PRIM2: variants seen among roughly 807,000 people sequenced by gnomAD.
The protein encoded by PRIM2 is DNA primase subunit 2, also known as DNA primase large subunit.
A neutral mutation model predicts 67.3 loss-of-function variants in PRIM2; 39 were observed. The ratio of observed to expected loss-of-function variants is 0.58; its 90% CI spans 0.45 to 0.76. PRIM2 has a LOEUF of 0.76. Ranked by LOEUF, PRIM2 falls within the 30% of genes least tolerant of loss-of-function variation. The pLI, the probability that PRIM2 is intolerant of heterozygous loss-of-function variation, is 0.00. For missense variants in PRIM2, 398 were observed against 598.7 expected (o/e 0.66, Z 3.50); for synonymous variants, 143 against 198.7 (o/e 0.72, Z 2.36).
At chr6:57,411,329 G>A (rs1398069779) in intron 7 of PRIM2, among the ~76,000 whole-genome samples, 12 of 152,252 alleles carry the variant, frequency 7.9e-5, no homozygotes, top group Non-Finnish European at 1.2e-4. Context: ...AGTAGCTTAC[G>A]CCTATAATCC....
the PRIM2 span, among the ~76,000 whole-genome samples, chr6:57,301,826 A>G: frequency 6.6e-6 from 1 of 152,192 alleles, no homozygotes; most frequent in Non-Finnish European, 1.5e-5. Flanking sequence ...TGTCTCAATA[A>G]CAACAACAGA....
At chr6:57,251,603 A>T in the PRIM2 span, among the ~76,000 whole-genome samples, 2 of 152,206 alleles carry the variant, frequency 1.3e-5, no homozygotes, top group Admixed American at 6.5e-5. Context: ...TAAGTTATGT[A>T]CATCAAACAT....
intron 5 of PRIM2, among the ~76,000 whole-genome samples, chr6:57,339,654 T>C (rs1416393318): frequency 6.6e-6 from 1 of 152,212 alleles, no homozygotes; most frequent in Non-Finnish European, 1.5e-5. Flanking sequence ...GCTAGCCATA[T>C]GCAGAAAGCT....
the PRIM2 span, among the ~76,000 whole-genome samples, chr6:57,264,744 G>A: frequency 4.0e-5 from 6 of 151,828 alleles, no homozygotes; most frequent in African/African-American, 1.2e-4. Context: ...CTACAGGTGC[G>A]CCCCACCAAG....
At chr6:57,321,624 C>T (rs1767660943) in intron 3 of PRIM2, among the ~76,000 whole-genome samples, 1 of 151,956 alleles carries the variant, frequency 6.6e-6, no homozygotes, top group Admixed American at 6.6e-5. Context: ...TCATAGAAGC[C>T]AAGGAGGGCT....
At chr6:57,470,157 G>A (rs1224287760) in intron 7 of PRIM2, among the ~76,000 whole-genome samples, 15 of 152,062 alleles carry the variant, frequency 9.9e-5, no homozygotes, top group African/African-American at 3.6e-4. Flanking sequence ...GTATTTGAGC[G>A]TTGTGGCATT....
At chr6:57,422,576 T>C (rs1562744793) in intron 7 of PRIM2, among the ~76,000 whole-genome samples, 3 of 152,150 alleles carry the variant, frequency 2.0e-5, no homozygotes, top group Admixed American at 2.0e-4. Flanking sequence ...TAAAGATACA[T>C]CAATGAAATT....
chr6:57,491,230 A>G (rs1180775787), intron 7 of PRIM2, among the ~76,000 whole-genome samples: 4 of 152,252 alleles, frequency 2.6e-5, no homozygotes, highest in African/African-American at 4.8e-5. Context: ...AACATGAGTC[A>G]GACCAGATTA....
At chr6:57,502,349 C>T (rs1227587391) in intron 7 of PRIM2, among the ~76,000 whole-genome samples, 3 of 152,160 alleles carry the variant, frequency 2.0e-5, no homozygotes, top group African/African-American at 7.2e-5. Flanking sequence ...AGTTTCCACA[C>T]AACAGTTTAC....
rs1161345241 is a variant in PRIM2, at chr6:57,483,457, T to C, written c.694-23930T>C. Among the ~76,000 whole-genome samples, 440 of 152,240 alleles carry C rather than the reference T, an allele frequency of 2.9e-3. 3 individuals carry two copies. Among genetic ancestry groups the C allele is most frequent in the African/African-American group, 0.01 (423 of 41,540 alleles). On this transcript the variant is annotated intron_variant, in intron 7 of 13. Transcript: ENST00000615550. ...AGAAGGAACTTATCTTTAATAATAT[T>C]ATGGTGAACATGAAAACATACTAGT... is the stretch of plus-strand genomic sequence containing the variant.
chr6:57,425,824 A>C (rs1157180212), intron 7 of PRIM2, among the ~76,000 whole-genome samples: 2 of 152,086 alleles, frequency 1.3e-5, no homozygotes, highest in Non-Finnish European at 2.9e-5. Context: ...CCTTTTTATT[A>C]ATTCATTTTT....
intron 10 of PRIM2, among the ~76,000 whole-genome samples, chr6:57,572,880 G>A (rs1192492345): frequency 3.9e-5 from 6 of 152,150 alleles, no homozygotes; most frequent in Non-Finnish European, 7.3e-5. Flanking sequence ...TTGGGAAAGG[G>A]CTCTCATCTG....
intron 7 of PRIM2, among the ~76,000 whole-genome samples, chr6:57,481,568 C>T (rs1451576702): frequency 1.3e-5 from 2 of 151,122 alleles, no homozygotes; most frequent in Admixed American, 6.6e-5. Flanking sequence ...GGTTTTTGTG[C>T]GAACATAGGT....
intron 8 of PRIM2, among the ~76,000 whole-genome samples, chr6:57,530,010 C>G (rs1267423750): frequency 6.6e-6 from 1 of 151,854 alleles, no homozygotes; most frequent in Admixed American, 6.6e-5. Flanking sequence ...GTCTCTCTTC[C>G]TCATTTTGTA....
chr6:57,605,734 A>G (rs1776549670), intron 11 of PRIM2, among the ~76,000 whole-genome samples: 1 of 152,106 alleles, frequency 6.6e-6, no homozygotes, highest in Non-Finnish European at 1.5e-5. Context: ...CTGTATTCTT[A>G]TTTATGTGAA....
intron 12 of PRIM2, among the ~76,000 whole-genome samples, chr6:57,622,302 G>T (rs1256335505): frequency 6.6e-6 from 1 of 152,180 alleles, no homozygotes; most frequent in African/African-American, 2.4e-5. Context: ...TGTTTTAATT[G>T]TGGTTATAGA....
chr6:57,282,406 A>C, the PRIM2 span, among the ~76,000 whole-genome samples: 1 of 152,106 alleles, frequency 6.6e-6, no homozygotes, highest in Non-Finnish European at 1.5e-5. Context: ...GGGTATCTCC[A>C]ACTGCTTCCT....
At chr6:57,420,457 T>C (rs1432621643) in intron 7 of PRIM2, among the ~76,000 whole-genome samples, 2 of 152,088 alleles carry the variant, frequency 1.3e-5, no homozygotes, top group Non-Finnish European at 1.5e-5. Context: ...GAGCTGAGAT[T>C]GCACCATTGC....
intron 7 of PRIM2, among the ~76,000 whole-genome samples, chr6:57,470,404 TCCC>T (rs1773308422): frequency 8.3e-5 from 6 of 72,090 alleles, no homozygotes; most frequent in African/African-American, 1.1e-4. Context: ...TCTCCCCCTC[TCCC>T]CTCTCCCCCT....
Sources: allele counts gnomAD v4.1 joint callset (sites outside exome capture counted in the v4.1 genomes callset), GRCh38; gene constraint gnomAD v4.1.1; transcripts MANE v1.5; gene names NCBI Gene and HGNC (gene_info 2026-07-23, HGNC 2026-07-21).